Variants in APPBP2 observed in about 807,000 individuals in gnomAD.
The protein encoded by APPBP2 is amyloid beta precursor protein binding protein 2.
In APPBP2, 15 loss-of-function variants were observed where a neutral mutation model predicts 76.0. That is an observed-to-expected ratio of 0.20 (90% confidence interval 0.13 to 0.30). The LOEUF (loss-of-function observed/expected upper bound fraction) is 0.30, where lower values mean the gene tolerates loss of function less well. APPBP2 is among the 10% of genes least tolerant of loss of function. The pLI, the probability that APPBP2 is intolerant of heterozygous loss-of-function variation, is 1.00. For synonymous variants in APPBP2, 222 were observed against 242.2 expected, an observed-to-expected ratio of 0.92 and a Z score of 0.77; for missense variants, 401 against 687.2, an observed-to-expected ratio of 0.58 and a Z score of 4.66.
At chr17:60,494,269 T>C (rs1334533846) in intron 3 of APPBP2, among the ~76,000 whole-genome samples, 197 bp downstream of exon 3, 1 of 152,240 alleles carries the variant, frequency 6.6e-6, no homozygotes, top group Non-Finnish European at 1.5e-5. Flanking sequence ...CATCACTTCG[T>C]TGGAATGTCA....
chr17:60,477,373 A>G (rs2090598380), intron 4 of APPBP2: 1 of 152,232 alleles, frequency 6.6e-6, no homozygotes, highest in East Asian at 1.9e-4. Context: ...CTTTTGGTCA[A>G]GATTGCCATA....
At chr17:60,518,607 C>A (rs1301314752) in intron 1 of APPBP2, among the ~76,000 whole-genome samples, 2 of 152,008 alleles carry the variant, frequency 1.3e-5, no homozygotes, top group African/African-American at 4.8e-5. Flanking sequence ...CCTTGAATCT[C>A]CCAGGCCCAA....
In APPBP2 at chr17:60,526,110, G is replaced by C; in HGVS notation, c.-179C>G. Reference sequence around the variant, plus strand: ...GGGGGCAAACTGAGGGACGGCGGCAGCGGACGCAGGCCCGAGTAAAAAGTG... The same window carrying C: ...GGGGGCAAACTGAGGGACGGCGGCACCGGACGCAGGCCCGAGTAAAAAGTG... On this transcript the variant is annotated 5_prime_UTR_variant, in exon 1 of 13. Transcript: ENST00000083182. The C allele has an allele frequency of 1.6e-6, 1 of 610,384 alleles. No homozygotes were observed. The highest frequency in any genetic ancestry group is 2.0e-5 in the South Asian group (1 of 50,954). The allele number at this position is 610,384 out of a possible 1,614,324, so 37.8% of individuals were successfully genotyped here.
intron 1 of APPBP2, among the ~76,000 whole-genome samples, chr17:60,518,358 C>CGTGTGTGTGTGTGT (rs59428194): frequency 1.1e-5 from 1 of 89,072 alleles, no homozygotes; most frequent in Non-Finnish European, 2.2e-5. Flanking sequence ...TGTGTGCGTG[C>CGTGTGTGTGTGTGT]GTGTGTGTGT....
At chr17:60,462,913 T>G (rs2090486231) in intron 6 of APPBP2, among the ~76,000 whole-genome samples, 1 of 140,530 alleles carries the variant, frequency 7.1e-6, no homozygotes, top group Non-Finnish European at 1.5e-5. Context: ...ATCGCGCCAC[T>G]GCACTCCAGC....
chr17:60,489,880 C>G lies in APPBP2; in HGVS notation c.379+4586G>C, dbSNP rs373602198. Among the ~76,000 whole-genome samples the G allele has an allele frequency of 1.6e-4, 24 of 152,040 alleles. 1 individual carries two copies. In the South Asian group the frequency reaches 5.0e-3, roughly 32 times the overall value. ...GTGAACCCCGTCTCTACTAAAAATACAAAAATTAGTTGGGTGTGGTGGCAC... is the reference window on the plus strand; with the variant it reads ...GTGAACCCCGTCTCTACTAAAAATAGAAAAATTAGTTGGGTGTGGTGGCAC... On this transcript the variant is annotated intron_variant, in intron 3 of 12. Coordinates refer to ENST00000083182, the MANE Select transcript of APPBP2 (RefSeq NM_006380.5).
Position 60,526,213 on chromosome 17 carries a change from T to C in APPBP2, c.-282A>G, listed in dbSNP as rs926694512. The C allele has an allele frequency of 2.4e-6, 1 of 417,098 alleles. No homozygotes were observed. The highest frequency in any genetic ancestry group is 4.5e-6 in the Non-Finnish European group (1 of 222,148). 25.8% of individuals were successfully genotyped at this position (417,098 alleles called of 1,614,324 possible). A position where few individuals can be genotyped will look rare whatever the true frequency, so the allele number is the denominator to read the frequency against. Reference sequence around the variant, plus strand: ...AGGAACCCGGGTTCCGTCCCAGCGCTGATCTCTGCAGGGGCGGGGCTGCGT... The same window carrying C: ...AGGAACCCGGGTTCCGTCCCAGCGCCGATCTCTGCAGGGGCGGGGCTGCGT... On this transcript the variant is annotated 5_prime_UTR_variant, in exon 1 of 13. Coordinates refer to ENST00000083182, the MANE Select transcript of APPBP2 (RefSeq NM_006380.5).
chr17:60,521,138 A>G (rs1253431288), intron 1 of APPBP2, among the ~76,000 whole-genome samples: 1 of 152,128 alleles, frequency 6.6e-6, no homozygotes, highest in African/African-American at 2.4e-5. Flanking sequence ...CTTTTATACC[A>G]AAATGGTTGC....
chr17:60,523,346 A>T (rs1567945631), intron 1 of APPBP2, among the ~76,000 whole-genome samples: 3 of 151,938 alleles, frequency 2.0e-5, no homozygotes, highest in Admixed American at 2.0e-4. Context: ...AAAAAAAAAA[A>T]TTAGCTAGGC....
At chr17:60,471,951 C>T (rs9892159) in intron 4 of APPBP2, among the ~76,000 whole-genome samples, 29,695 of 152,058 alleles carry the variant, frequency 0.2, 9,648 homozygotes, top group African/African-American at 0.67. Flanking sequence ...CATGGCAAAA[C>T]CTCGTCTCTA....
Position 60,447,281 on chromosome 17 carries a change from A to T in APPBP2, c.*300T>A. On this transcript the variant is annotated 3_prime_UTR_variant, in exon 13 of 13. Coordinates refer to ENST00000083182, the MANE Select transcript of APPBP2 (RefSeq NM_006380.5). ...TATTTAGGGGTATTTTTTTTCTTTCAGGCTTTCTGCAAAATGAATTTTTTA... is the reference window on the plus strand; with the variant it reads ...TATTTAGGGGTATTTTTTTTCTTTCTGGCTTTCTGCAAAATGAATTTTTTA... 1 of 253,988 alleles carries T rather than the reference A, an allele frequency of 3.9e-6. No individual in the cohort carries two copies. The highest frequency in any genetic ancestry group is 7.5e-5 in the East Asian group (1 of 13,350). The allele number at this position is 253,988 out of a possible 1,614,324, so 15.7% of individuals were successfully genotyped here. A position where few individuals can be genotyped will look rare whatever the true frequency, so the allele number is the denominator to read the frequency against.
At chr17:60,483,289 T>TAAA (rs1567929275) in intron 3 of APPBP2, among the ~76,000 whole-genome samples, 6 of 152,222 alleles carry the variant, frequency 3.9e-5, no homozygotes, top group Admixed American at 1.3e-4. Flanking sequence ...GATTTTTTCT[T>TAAA]GTAAATTCGC....
intron 4 of APPBP2, among the ~76,000 whole-genome samples, chr17:60,473,207 C>T (rs1246023753): frequency 6.6e-6 from 1 of 152,158 alleles, no homozygotes; most frequent in Non-Finnish European, 1.5e-5. Context: ...ATCATTCTCA[C>T]CCATATTCAC....
chr17:60,524,910 G>A (rs1598381051), intron 1 of APPBP2, among the ~76,000 whole-genome samples: 1 of 152,186 alleles, frequency 6.6e-6, no homozygotes, highest in African/African-American at 2.4e-5. Flanking sequence ...TTCAAATGTG[G>A]GGGAGAGAAA....
At chr17:60,465,767 C>A (rs2090506533) in intron 5 of APPBP2, among the ~76,000 whole-genome samples, 1 of 152,128 alleles carries the variant, frequency 6.6e-6, no homozygotes, top group Non-Finnish European at 1.5e-5. Context: ...AAAAGAAAAA[C>A]AACAAAAGAA....
At position 60,446,355 on chromosome 17, in the gene APPBP2, A is replaced by G. The variant is rs978023456; in HGVS notation, c.*1226T>C. On this transcript the variant is annotated 3_prime_UTR_variant, in exon 13 of 13. Transcript: ENST00000083182. ...AATCAAATCAAAACCCAATAAACAGAAAGACAAGTTAGTGAAATAGGTGTA... is the reference window on the plus strand; with the variant it reads ...AATCAAATCAAAACCCAATAAACAGGAAGACAAGTTAGTGAAATAGGTGTA... The G allele has an allele frequency of 2.6e-5, 4 of 152,458 alleles. No homozygotes were observed. Among genetic ancestry groups the G allele is most frequent in the Admixed American group, 6.5e-5 (1 of 15,282 alleles). The allele number at this position is 152,458 out of a possible 1,614,324, so 9.4% of individuals were successfully genotyped here. A position where few individuals can be genotyped will look rare whatever the true frequency, so the allele number is the denominator to read the frequency against.
intron 3 of APPBP2, among the ~76,000 whole-genome samples, chr17:60,486,766 T>C (rs1343524160): frequency 6.6e-6 from 1 of 152,218 alleles, no homozygotes; most frequent in East Asian, 1.9e-4. Flanking sequence ...TGGCCATTAG[T>C]TGATGCAGTT....
chr17:60,508,401 A>G (rs2090886457), intron 1 of APPBP2, among the ~76,000 whole-genome samples: 1 of 152,196 alleles, frequency 6.6e-6, no homozygotes, highest in Non-Finnish European at 1.5e-5. Context: ...TTTAAAAAAA[A>G]TCACAAAATA....
At chr17:60,449,757 T>C (rs921178639) in intron 12 of APPBP2, among the ~76,000 whole-genome samples, 1 of 152,134 alleles carries the variant, frequency 6.6e-6, no homozygotes, top group Non-Finnish European at 1.5e-5. Context: ...GAAGATAATT[T>C]TCTAGAAAAA....
Sources: allele counts gnomAD v4.1 joint callset (sites outside exome capture counted in the v4.1 genomes callset), GRCh38; gene constraint gnomAD v4.1.1; transcripts MANE v1.5; gene names NCBI Gene and HGNC (gene_info 2026-07-23, HGNC 2026-07-21).